The following PPP3CA variants were observed in gnomAD, a reference collection of about 807,000 sequenced individuals.
PPP3CA encodes protein phosphatase 3 catalytic subunit alpha.
Under a neutral mutation model 66.5 loss-of-function variants are expected in PPP3CA, and 14 were observed. The observed-to-expected ratio is 0.21, with a 90% confidence interval of 0.14 to 0.33. The LOEUF is 0.33. PPP3CA is among the 10% of genes least tolerant of loss of function. The probability of loss-of-function intolerance (pLI) is 1.00; values close to 1 mark genes in which losing one functional copy is unlikely to be tolerated. For missense variants in PPP3CA, 317 were observed against 639.5 expected (o/e 0.50, Z 5.44); for synonymous variants, 232 against 226.2 (o/e 1.03, Z -0.23).
intron 1 of PPP3CA, among the ~76,000 whole-genome samples, chr4:101,271,003 T>C (rs2110266025): frequency 6.6e-6 from 1 of 152,168 alleles, no homozygotes; most frequent in African/African-American, 2.4e-5. Context: ...GAGTACAGAT[T>C]CAAACTCCTG....
intron 2 of PPP3CA, among the ~76,000 whole-genome samples, chr4:101,151,628 A>C (rs892926217): frequency 6.7e-6 from 1 of 149,744 alleles, no homozygotes; most frequent in Non-Finnish European, 1.5e-5. Context: ...GAATATTCCC[A>C]AAATTTAGCT....
At chr4:101,255,024 G>A (rs187801742) in intron 1 of PPP3CA, among the ~76,000 whole-genome samples, 76 of 136,378 alleles carry the variant, frequency 5.6e-4, no homozygotes, top group African/African-American at 2.0e-3. Context: ...TAAGAAGCAT[G>A]AGTCCCGTCT....
At chr4:101,106,704 TCCTTAAACAAGAAGATATAC>T (rs1037594927) in intron 3 of PPP3CA, among the ~76,000 whole-genome samples, 4 of 152,066 alleles carry the variant, frequency 2.6e-5, no homozygotes, top group Non-Finnish European at 5.9e-5. Flanking sequence ...CTGGGAAACA[TCCTTAAACAAGAAGATATAC>T]CCTTCTCTTT....
chr4:101,051,440 A>G (rs1308791614), intron 10 of PPP3CA, among the ~76,000 whole-genome samples: 1 of 152,178 alleles, frequency 6.6e-6, no homozygotes, highest in African/African-American at 2.4e-5. Context: ...ACCTGAATCC[A>G]TTAATGCTTT....
At chr4:101,222,808 T>C (rs904741536) in intron 1 of PPP3CA, among the ~76,000 whole-genome samples, 2 of 151,724 alleles carry the variant, frequency 1.3e-5, no homozygotes, top group African/African-American at 4.8e-5. Context: ...TGTAAACATA[T>C]TCATTTTTGC....
chr4:101,121,097 C>T (rs77531807), intron 2 of PPP3CA, among the ~76,000 whole-genome samples: 2,794 of 152,068 alleles, frequency 0.018, 36 homozygotes, highest in Non-Finnish European at 0.029. Flanking sequence ...CATTAGCAAT[C>T]CTAATTTCAA....
chr4:101,063,048 C>T (rs1055959541), intron 9 of PPP3CA, among the ~76,000 whole-genome samples, 184 bp downstream of exon 9: 1 of 150,814 alleles, frequency 6.6e-6, no homozygotes, highest in South Asian at 2.1e-4. Flanking sequence ...CCCCCTCATT[C>T]ACCAATTGTG....
chr4:101,124,723 A>AGAG (rs1722165038), intron 2 of PPP3CA, among the ~76,000 whole-genome samples: 3 of 48,176 alleles, frequency 6.2e-5, no homozygotes, highest in East Asian at 5.6e-4. Context: ...GAAAGAAAGA[A>AGAG]AGAGAAAGAA....
At chr4:101,205,443 T>C (rs1228333682) in intron 1 of PPP3CA, among the ~76,000 whole-genome samples, 2 of 152,212 alleles carry the variant, frequency 1.3e-5, no homozygotes, top group Admixed American at 1.3e-4. Context: ...ACTTTAGCTA[T>C]TGAGTTGAAC....
At chr4:101,036,417 CTT>C (rs5860655) in intron 11 of PPP3CA, among the ~76,000 whole-genome samples, 25,311 of 146,282 alleles carry the variant, frequency 0.17, 2,305 homozygotes, top group South Asian at 0.24. Flanking sequence ...TTCTTTCTTT[CTT>C]TTTTTTTTTT....
In PPP3CA at chr4:101,029,180, A is replaced by G; in HGVS notation, c.1355T>C (p.Ile452Thr). The stretch of plus-strand genomic sequence containing the variant: ...GGCCAATTTACCTTCATCAGCCTCA[A>G]TAGCCTCAACAGTAGCTGAAGAGAA... ...QTLQSATVEA[I>T]EADEAIKGFS... Residue 452 changes from isoleucine to threonine, a missense_variant, in exon 13 of 14, where the codon ATT (isoleucine) becomes ACT (threonine). Ile to Thr is a moderately conservative substitution (Grantham distance 89). Transcript: ENST00000394854. The G allele has an allele frequency of 6.2e-7, 1 of 1,608,274 alleles. No individual in the cohort carries two copies. The highest frequency in any genetic ancestry group is 1.1e-5 in the South Asian group (1 of 90,962).
At chr4:101,031,061 TTG>T (rs1413864464) in intron 12 of PPP3CA, among the ~76,000 whole-genome samples, 1 of 131,260 alleles carries the variant, frequency 7.6e-6, no homozygotes, top group African/African-American at 2.5e-5. Flanking sequence ...TTAAAAATTT[TTG>T]TCTTTTTGTA....
intron 1 of PPP3CA, among the ~76,000 whole-genome samples, chr4:101,295,345 C>G (rs1443348945): frequency 6.7e-6 from 1 of 149,862 alleles, no homozygotes; most frequent in African/African-American, 2.4e-5. Context: ...AGTATATTCA[C>G]TCATATTTTA....
At chr4:101,110,561 A>G (rs1039142668) in intron 2 of PPP3CA, among the ~76,000 whole-genome samples, 5 of 152,158 alleles carry the variant, frequency 3.3e-5, no homozygotes, top group Admixed American at 3.3e-4. Context: ...CCTTTGGTAG[A>G]CTCCAATCAT....
chr4:101,238,347 C>A (rs142911919), intron 1 of PPP3CA, among the ~76,000 whole-genome samples: 157 of 151,758 alleles, frequency 1.0e-3, no homozygotes, highest in African/African-American at 3.4e-3. Flanking sequence ...TAAAAGCTGA[C>A]AATAGTTCTA....
At chr4:101,263,421 T>A (rs761360854) in intron 1 of PPP3CA, among the ~76,000 whole-genome samples, 5 of 152,194 alleles carry the variant, frequency 3.3e-5, no homozygotes, top group African/African-American at 1.2e-4. Context: ...GTGTATCTCA[T>A]TCAATCTTAT....
intron 1 of PPP3CA, among the ~76,000 whole-genome samples, chr4:101,301,528 T>A (rs1728376746): frequency 6.8e-6 from 1 of 146,628 alleles, no homozygotes; most frequent in Admixed American, 6.8e-5. Context: ...AATCTTGCTC[T>A]GTCACCCAGG....
At chr4:101,081,730 G>A (rs1729448545) in intron 7 of PPP3CA, among the ~76,000 whole-genome samples, 1 of 152,088 alleles carries the variant, frequency 6.6e-6, no homozygotes, top group African/African-American at 2.4e-5. Context: ...TAAAAACACT[G>A]TGAGTCCTCT....
chr4:101,086,403 AAC>A (rs1180776999), intron 6 of PPP3CA, among the ~76,000 whole-genome samples: 3 of 152,170 alleles, frequency 2.0e-5, no homozygotes, highest in Non-Finnish European at 2.9e-5. Context: ...CAGTAGAGCA[AAC>A]AGTTACTATT....
Sources: allele counts gnomAD v4.1 joint callset (sites outside exome capture counted in the v4.1 genomes callset), GRCh38; gene constraint gnomAD v4.1.1; transcripts MANE v1.5; gene names NCBI Gene and HGNC (gene_info 2026-07-23, HGNC 2026-07-21).